Variants in RPH3A observed in about 807,000 individuals in gnomAD.
RPH3A encodes rabphilin 3A.
RPH3A carries 48 observed loss-of-function variants against 102.2 expected under a neutral mutation model. The ratio of observed to expected loss-of-function variants is 0.47; its 90% CI spans 0.37 to 0.60. RPH3A has a LOEUF of 0.60. RPH3A is among the 20% of genes least tolerant of loss of function. The pLI, the probability that RPH3A is intolerant of heterozygous loss-of-function variation, is 0.00. For missense variants in RPH3A, 781 were observed against 910.1 expected (o/e 0.86, Z 1.83); for synonymous variants, 310 against 324.3 (o/e 0.96, Z 0.47).
At chr12:112,850,661 C>T (rs887857054) in intron 5 of RPH3A, 1 of 152,202 alleles carries the variant, frequency 6.6e-6, no homozygotes, top group Non-Finnish European at 1.5e-5. Context: ...GTCTTATAAA[C>T]TCAAACCTGC....
chr12:112,590,941 C>T (rs566104597), intron 1 of RPH3A, among the ~76,000 whole-genome samples: 9 of 152,098 alleles, frequency 5.9e-5, no homozygotes, highest in South Asian at 2.1e-4. Flanking sequence ...AATACAGGCA[C>T]GTGCCACCAC....
intron 1 of RPH3A, among the ~76,000 whole-genome samples, chr12:112,678,345 G>A (rs1265231221): frequency 1.4e-5 from 2 of 145,132 alleles, no homozygotes; most frequent in Non-Finnish European, 3.0e-5. Context: ...AGGAAGGAAG[G>A]AAGGAAGGAA....
At chr12:112,787,200 A>G (rs780963638), upstream of RPH3A, among the ~76,000 whole-genome samples, 1 of 152,202 alleles carries the variant, frequency 6.6e-6, no homozygotes, top group Non-Finnish European at 1.5e-5. Flanking sequence ...CCTCAACTTC[A>G]TCACACTTGC....
chr12:112,685,690 A>C (rs2040258442), intron 1 of RPH3A, among the ~76,000 whole-genome samples: 1 of 152,098 alleles, frequency 6.6e-6, no homozygotes, highest in African/African-American at 2.4e-5. Context: ...CCCTCAAGGC[A>C]TGGTTGTTCT....
intron 1 of RPH3A, among the ~76,000 whole-genome samples, chr12:112,581,715 T>C (rs74321301): frequency 0.075 from 11,095 of 148,324 alleles, 1,255 homozygotes; most frequent in Middle Eastern, 0.18. Flanking sequence ...TTAATGTGTA[T>C]GTAATATTTC....
intron 5 of RPH3A, among the ~76,000 whole-genome samples, chr12:112,851,196 CTAT>C (rs2042317677): frequency 6.6e-6 from 1 of 152,142 alleles, no homozygotes; most frequent in African/African-American, 2.4e-5. Context: ...GTCAAGTAAG[CTAT>C]TATTATCCCC....
At chr12:112,873,561 A>G (rs2042742284) in intron 10 of RPH3A, among the ~76,000 whole-genome samples, 1 of 152,038 alleles carries the variant, frequency 6.6e-6, no homozygotes, top group African/African-American at 2.4e-5. Flanking sequence ...CTGTCTCCCT[A>G]CCTCTTGGAG....
At chr12:112,713,039 T>TCTTCTC (rs2040486834) in intron 1 of RPH3A, among the ~76,000 whole-genome samples, 9 of 86,094 alleles carry the variant, frequency 1.0e-4, no homozygotes, top group Admixed American at 1.5e-4. Flanking sequence ...TTCTTCTTCT[T>TCTTCTC]CTTCTTCTTC....
chr12:112,775,993 G>T (rs541382611), intron 1 of RPH3A, among the ~76,000 whole-genome samples: 1 of 151,994 alleles, frequency 6.6e-6, no homozygotes. Flanking sequence ...AGGGAGAAAT[G>T]AAAGGAAAGA....
chr12:112,747,686 C>T (rs756371630), intron 1 of RPH3A, among the ~76,000 whole-genome samples: 17 of 152,338 alleles, frequency 1.1e-4, no homozygotes, highest in Middle Eastern at 3.4e-3. Context: ...GCACCCTGCC[C>T]TACCACTGTC....
chr12:112,840,718 A>G, intron 4 of RPH3A, among the ~76,000 whole-genome samples: 1 of 152,194 alleles, frequency 6.6e-6, no homozygotes, highest in East Asian at 1.9e-4. Context: ...AAAGGCGTGT[A>G]GGTTCTACAG....
intron 1 of RPH3A, among the ~76,000 whole-genome samples, chr12:112,587,708 G>A (rs1195199038): frequency 1.3e-5 from 2 of 152,070 alleles, no homozygotes; most frequent in African/African-American, 2.4e-5. Flanking sequence ...CTTCTATAGA[G>A]GTCATCTATG....
chr12:112,713,642 T>C (rs2040495916), intron 1 of RPH3A, among the ~76,000 whole-genome samples: 1 of 152,132 alleles, frequency 6.6e-6, no homozygotes, highest in African/African-American at 2.4e-5. Context: ...CAGAGTAAGA[T>C]AATTTCTTGG....
At chr12:112,725,250 GAAAAAAAAAAA>G (rs35952537) in intron 1 of RPH3A, among the ~76,000 whole-genome samples, 23 of 63,066 alleles carry the variant, frequency 3.6e-4, no homozygotes, top group East Asian at 5.3e-4. Flanking sequence ...CTTTGTCTCA[GAAAAAAAAAAA>G]AAAAAAAAAA....
chr12:112,832,160 T>G (rs888486203), intron 3 of RPH3A, among the ~76,000 whole-genome samples: 1 of 152,180 alleles, frequency 6.6e-6, no homozygotes, highest in Non-Finnish European at 1.5e-5. Context: ...GTTCTCTCCT[T>G]CGTATTTTAT....
chr12:112,875,505 C>G (rs1180166698), intron 11 of RPH3A, among the ~76,000 whole-genome samples, 174 bp from the exon 12 acceptor site: 1 of 152,120 alleles, frequency 6.6e-6, no homozygotes, highest in Non-Finnish European at 1.5e-5. Flanking sequence ...GGGCTTGGAT[C>G]CAAGTCTTTC....
chr12:112,800,177 G>A (rs2041314782), intron 2 of RPH3A, among the ~76,000 whole-genome samples: 1 of 152,186 alleles, frequency 6.6e-6, no homozygotes, highest in South Asian at 2.1e-4. Context: ...AGAATGACAA[G>A]TGATGGGTTG....
chr12:112,800,073 G>T (rs1240680255), intron 2 of RPH3A, among the ~76,000 whole-genome samples: 1 of 152,194 alleles, frequency 6.6e-6, no homozygotes, highest in Non-Finnish European at 1.5e-5. Flanking sequence ...ACAGCCCAGT[G>T]GGTGGCAAAA....
chr12:112,838,777 G>C (rs114130092), intron 4 of RPH3A, among the ~76,000 whole-genome samples: 36 of 152,248 alleles, frequency 2.4e-4, no homozygotes, highest in African/African-American at 8.7e-4. Context: ...AGGCAGGAAA[G>C]ATATGGAAGG....
Sources: allele counts gnomAD v4.1 joint callset (sites outside exome capture counted in the v4.1 genomes callset), GRCh38; gene constraint gnomAD v4.1.1; transcripts MANE v1.5; gene names NCBI Gene and HGNC (gene_info 2026-07-23, HGNC 2026-07-21).